The following THSD4 variants were observed in gnomAD, a reference collection of about 807,000 sequenced individuals.
THSD4 encodes the protein thrombospondin type 1 domain containing 4.
Under a neutral mutation model 119.0 loss-of-function variants are expected in THSD4, and 69 were observed. The observed-to-expected ratio is 0.58, with a 90% CI of 0.48 to 0.71. The LOEUF (loss-of-function observed/expected upper bound fraction) is 0.71, where lower values mean the gene tolerates loss of function less well. Among genes scored for constraint, THSD4 ranks in the 30% least tolerant of loss-of-function variants. The pLI is 0.00. For synonymous variants in THSD4, 524 were observed against 540.4 expected, an observed-to-expected ratio of 0.97 and a Z score of 0.42; for missense variants, 1,393 against 1,391.1, an observed-to-expected ratio of 1.00 and a Z score of -0.02.
chr15:71,646,315 G>C (rs1489620766), intron 7 of THSD4, among the ~76,000 whole-genome samples: 1 of 152,212 alleles, frequency 6.6e-6, no homozygotes, highest in Non-Finnish European at 1.5e-5. Context: ...AAAGTCACCA[G>C]AGTCCATAAG....
chr15:71,494,234 G>T (rs898915588), intron 7 of THSD4, among the ~76,000 whole-genome samples: 2 of 152,162 alleles, frequency 1.3e-5, no homozygotes, highest in Non-Finnish European at 2.9e-5. Flanking sequence ...CATCTGCGGG[G>T]AGGAACATTA....
At chr15:71,494,869 T>C (rs2140710937) in intron 7 of THSD4, among the ~76,000 whole-genome samples, 1 of 152,318 alleles carries the variant, frequency 6.6e-6, no homozygotes, top group East Asian at 1.9e-4. Context: ...TGAAAACATT[T>C]TGTAAATCGA....
intron 6 of THSD4, among the ~76,000 whole-genome samples, chr15:71,397,785 G>C (rs912908514): frequency 2.6e-5 from 4 of 152,212 alleles, no homozygotes; most frequent in African/African-American, 9.7e-5. Context: ...ACCTCTCTGA[G>C]CCAAAGGTTT....
chr15:71,718,469 T>C (rs1233475880), intron 8 of THSD4, among the ~76,000 whole-genome samples: 1 of 152,200 alleles, frequency 6.6e-6, no homozygotes, highest in Non-Finnish European at 1.5e-5. Flanking sequence ...ACGTGAGAAC[T>C]GTTTGTGTCA....
chr15:71,539,609 C>T (rs1232883296), intron 7 of THSD4, among the ~76,000 whole-genome samples: 1 of 152,204 alleles, frequency 6.6e-6, no homozygotes, highest in African/African-American at 2.4e-5. Context: ...GTTTGTACCA[C>T]TAACATTTTC....
chr15:71,396,094 A>G (rs904254179), intron 6 of THSD4, among the ~76,000 whole-genome samples: 1 of 152,052 alleles, frequency 6.6e-6, no homozygotes, highest in African/African-American at 2.4e-5. Flanking sequence ...CCGTGTACCA[A>G]TAGACTCTGA....
intron 7 of THSD4, among the ~76,000 whole-genome samples, chr15:71,619,678 G>A (rs778687038): frequency 1.3e-5 from 2 of 151,968 alleles, no homozygotes; most frequent in African/African-American, 2.4e-5. Flanking sequence ...TCTTCTCTCC[G>A]TGCATTATAT....
intron 7 of THSD4, among the ~76,000 whole-genome samples, chr15:71,458,173 A>G (rs985693602): frequency 2.0e-5 from 3 of 152,198 alleles, no homozygotes; most frequent in Non-Finnish European, 4.4e-5. Flanking sequence ...AATTGTTGCT[A>G]GTATTTCTCT....
upstream of THSD4, chr15:71,112,423 C>T: frequency 2.0e-6 from 1 of 488,310 alleles, no homozygotes; most frequent in Non-Finnish European, 3.3e-6. Context: ...TGTTTCTTGT[C>T]TGTCCCTTTA....
intron 6 of THSD4, among the ~76,000 whole-genome samples, chr15:71,406,883 C>T (rs569076407): frequency 3.4e-4 from 52 of 151,918 alleles, no homozygotes; most frequent in African/African-American, 1.2e-3. Flanking sequence ...AGGGTTTTGC[C>T]ATGTTGGCCA....
intron 7 of THSD4, among the ~76,000 whole-genome samples, chr15:71,545,830 C>A (rs953169587): frequency 3.9e-5 from 6 of 152,074 alleles, no homozygotes; most frequent in African/African-American, 1.4e-4. Context: ...CCCTGTCCCC[C>A]ACCAAAAAAC....
rs577588116 is a variant in THSD4 at position 71,274,977 on chromosome 15, C to A, written c.1015+18262C>A. On this transcript the variant is annotated intron_variant, in intron 6 of 17. Transcript: ENST00000261862. ...TAAACTCACTGCAAAATATTAAATA[C>A]TGAGACCCGATCCTATTGTTTCTCT... Among the ~76,000 whole-genome samples the A allele has an allele frequency of 2.6e-5, 4 of 152,250 alleles. No homozygotes were observed. In the East Asian group the frequency reaches 5.8e-4, roughly 22 times the overall value.
chr15:71,275,038 G>T (rs546132237), intron 6 of THSD4, among the ~76,000 whole-genome samples: 1 of 152,046 alleles, frequency 6.6e-6, no homozygotes, highest in East Asian at 1.9e-4. Context: ...AGACTGCCTT[G>T]CTCAGTTGTC....
chr15:71,137,638 T>C (rs745787331), intron 1 of THSD4, among the ~76,000 whole-genome samples: 4 of 152,124 alleles, frequency 2.6e-5, no homozygotes, highest in African/African-American at 9.7e-5. Flanking sequence ...GCAGGGCTGA[T>C]TTAACACAAT....
chr15:71,741,263 G>C (rs1408468624), intron 11 of THSD4, among the ~76,000 whole-genome samples: 1 of 152,130 alleles, frequency 6.6e-6, no homozygotes, highest in Non-Finnish European at 1.5e-5. Context: ...GGCCAAGGCA[G>C]GTGTATCACT....
chr15:71,601,143 A>G (rs2050002573), intron 7 of THSD4, among the ~76,000 whole-genome samples: 1 of 152,248 alleles, frequency 6.6e-6, no homozygotes, highest in Non-Finnish European at 1.5e-5. Flanking sequence ...AAATGAGTGC[A>G]TGTTGGAAGC....
In THSD4 at chr15:71,284,598, T is replaced by C. The variant is rs1040316359; in HGVS notation, c.1015+27883T>C. ...TGCTCTTTATTTTGACCCATGTAAA[T>C]AATTATCTTGTCTTCACATGTAAAT... is the stretch of plus-strand genomic sequence containing the variant. On this transcript the variant is annotated intron_variant, in intron 6 of 17. Coordinates refer to ENST00000261862, the MANE Select transcript of THSD4 (RefSeq NM_024817.3). Among the ~76,000 whole-genome samples the C allele has an allele frequency of 3.9e-5, 6 of 152,330 alleles. No individual in the cohort carries two copies. In the East Asian group the frequency reaches 9.6e-4, roughly 24 times the overall value.
intron 6 of THSD4, among the ~76,000 whole-genome samples, chr15:71,277,128 C>CTTCTTCTTCTTTT (rs1555459953): frequency 1.6e-5 from 2 of 123,002 alleles, no homozygotes; most frequent in South Asian, 5.0e-4. Flanking sequence ...TCTTCTTCTT[C>CTTCTTCTTCTTTT]TTTTTTTTTT....
chr15:71,537,759 T>A (rs1426344108), intron 7 of THSD4, among the ~76,000 whole-genome samples: 4 of 152,120 alleles, frequency 2.6e-5, no homozygotes, highest in South Asian at 2.1e-4. Flanking sequence ...AATTTTTTTT[T>A]ATTTTTTTAT....
Sources: gnomAD v4.1 joint callset for allele counts (sites outside exome capture counted in the v4.1 genomes callset) on GRCh38, gnomAD v4.1.1 for gene constraint, MANE v1.5 for transcripts, NCBI Gene and HGNC (gene_info 2026-07-23, HGNC 2026-07-21) for gene names.